The following WASHC4 variants were observed in gnomAD, a reference collection of about 807,000 sequenced individuals.
The protein encoded by WASHC4 is WASH complex subunit 4, also known as WASH complex subunit 7.
Under a neutral mutation model 166.6 loss-of-function variants are expected in WASHC4, and 86 were observed. The ratio of observed to expected loss-of-function variants is 0.52; its 90% CI spans 0.43 to 0.62. The LOEUF is 0.62. WASHC4 is among the 20% of genes least tolerant of loss of function. The pLI, the probability that WASHC4 is intolerant of heterozygous loss-of-function variation, is 0.00. For synonymous variants in WASHC4, 446 were observed against 451.6 expected (o/e 0.99, Z 0.16); for missense variants, 1,262 against 1,382.4 (o/e 0.91, Z 1.38).
rs760154797 is a variant in WASHC4, at chr12:105,144,350, T to C, written c.2074T>C (p.Leu692=). ...TCTGCGACTTTCTGTGCATACTCAT[T>C]TAAAGCTGGATGACCGAAACCCTTT... is the stretch of plus-strand genomic sequence containing the variant. ...KDLRLSVHTH[L]KLDDRNPFKV... is the part of the protein sequence containing the mutation. Residue 692 remains leucine, a synonymous_variant, in exon 21 of 33, where the codon TTA becomes CTA. Coordinates refer to ENST00000332180, the MANE Select transcript of WASHC4 (RefSeq NM_015275.3). 1.7e-5 allele frequency: 28 copies of C among 1,613,488 alleles called. No homozygotes were observed. Among genetic ancestry groups the C allele is most frequent in the Non-Finnish European group, 1.9e-5 (22 of 1,179,476 alleles).
intron 25 of WASHC4, among the ~76,000 whole-genome samples, chr12:105,151,867 A>AAATG (rs1206369216): frequency 6.6e-6 from 1 of 152,250 alleles, no homozygotes; most frequent in Non-Finnish European, 1.5e-5. Flanking sequence ...TATTATTACA[A>AAATG]AATGAATAAT....
intron 25 of WASHC4, among the ~76,000 whole-genome samples, chr12:105,150,381 T>G (rs1285281589): frequency 6.6e-6 from 1 of 152,200 alleles, no homozygotes; most frequent in Non-Finnish European, 1.5e-5. Context: ...AAAACTTCCT[T>G]AAGGAGAAAT....
chr12:105,137,429 T>C (rs1184772538), intron 14 of WASHC4, among the ~76,000 whole-genome samples: 2 of 152,198 alleles, frequency 1.3e-5, no homozygotes, highest in African/African-American at 4.8e-5. Flanking sequence ...CTATCTGTAT[T>C]GACTGAAGAA....
chr12:105,159,962 T>G, intron 28 of WASHC4, 39 bp from the exon 29 acceptor site: 2 of 1,600,952 alleles, frequency 1.2e-6, no homozygotes, highest in Non-Finnish European at 1.7e-6. Context: ...AAGCCACGCT[T>G]CTTTTGAGAA....
chr12:105,116,568 A>ACAG (rs1159981349), intron 6 of WASHC4, among the ~76,000 whole-genome samples: 42 of 152,212 alleles, frequency 2.8e-4, no homozygotes, highest in Non-Finnish European at 5.3e-4. Context: ...GATTACAGGT[A>ACAG]ATAAAATACC....
At chr12:105,125,791 C>T (rs1173247698) in intron 10 of WASHC4, among the ~76,000 whole-genome samples, 3 of 151,968 alleles carry the variant, frequency 2.0e-5, no homozygotes, top group African/African-American at 7.2e-5. Flanking sequence ...ATTACTTTCA[C>T]ATAACTAGTA....
rs1251324816 is a variant in WASHC4 at position 105,144,728 on chromosome 12, T to C, written c.2190T>C (p.Thr730=). Residue 730 remains threonine, a synonymous_variant, in exon 22 of 33, where the codon ACT becomes ACC. Transcript: ENST00000332180. ...TTTTTTTTTTGGTAGCTTACGTAAC[T>C]CACTACCTAGACAAGACTTTCTACA... ...NRFIDIRAYV[T]HYLDKTFYNL... 1.9e-6 allele frequency: 3 copies of C among 1,610,802 alleles called. No homozygotes were observed. The highest frequency in any genetic ancestry group is 2.5e-6 in the Non-Finnish European group (3 of 1,177,776).
chr12:105,144,973 A>G, intron 22 of WASHC4, 101 bp downstream of exon 22: 1 of 1,156,064 alleles, frequency 8.7e-7, no homozygotes, highest in Non-Finnish European at 1.3e-6. Context: ...GTATGTGCTT[A>G]TTTTTTAAGA....
chr12:105,146,891 G>A (rs1390233211), intron 23 of WASHC4, 151 bp from the exon 24 acceptor site: 10 of 670,304 alleles, frequency 1.5e-5, no homozygotes, highest in Admixed American at 6.6e-5. Flanking sequence ...TCAGATTTTC[G>A]GATTAAGGAT....
At position 105,140,387 on chromosome 12, in the gene WASHC4, A is replaced by T; in HGVS notation, c.1546A>T (p.Ile516Phe). The change falls in exon 16 of 33, where the codon ATT (isoleucine) becomes TTT (phenylalanine). Residue 516 changes from isoleucine (I) to phenylalanine (F), a missense_variant. Coordinates refer to ENST00000332180, the MANE Select transcript of WASHC4 (RefSeq NM_015275.3). ...CCTTCAACATCAGGCTCTTCATTCT[A>T]TTTCTGTGGCCAAGGTATGCAGCTT... ...QHLQHQALHS[I>F]SVAKKRVISD... 6 of 1,609,900 alleles carry T rather than the reference A, an allele frequency of 3.7e-6. No individual in the cohort carries two copies. Among genetic ancestry groups the T allele is most frequent in the Non-Finnish European group, 5.1e-6 (6 of 1,176,290 alleles).
chr12:105,164,116 G>T lies in WASHC4; in HGVS notation c.3163G>T (p.Ala1055Ser), dbSNP rs751236304. ...AGTTTTGCTTATGCCTGCAGGTGTGGCTTACATTCTAAAGCTTTTGGATCA... is the reference window on the plus strand; with the variant it reads ...AGTTTTGCTTATGCCTGCAGGTGTGTCTTACATTCTAAAGCTTTTGGATCA... Reference protein sequence around the residue: ...FTDDGFAMGVAYILKLLDQYR... With the variant: ...FTDDGFAMGVSYILKLLDQYR... The change falls in exon 31 of 33, where the codon GCT becomes TCT. Residue 1055 changes from alanine (A) to serine (S), a missense_variant. Physicochemically the swap from Ala to Ser is moderately conservative, Grantham distance 99 (BLOSUM62 1). Transcript: ENST00000332180. The T allele has an allele frequency of 6.2e-7, 1 of 1,614,070 alleles. No homozygotes were observed. Among genetic ancestry groups the T allele is most frequent in the East Asian group, 2.2e-5 (1 of 44,862 alleles).
intron 15 of WASHC4, among the ~76,000 whole-genome samples, chr12:105,139,425 G>GTGTGTGTGTGTGTGTGTGTGTGTATATA: frequency 1.5e-4 from 15 of 103,216 alleles, no homozygotes; most frequent in South Asian, 3.7e-4. Context: ...ATGTGTGTGT[G>GTGTGTGTGTGTGTGTGTGTGTGTATATA]TATATATATA....
intron 15 of WASHC4, 136 bp downstream of exon 15, chr12:105,138,147 A>G: frequency 1.3e-6 from 1 of 765,028 alleles, no homozygotes; most frequent in Non-Finnish European, 2.0e-6. Context: ...CTCTCAATTG[A>G]ATAAAGGAAC....
At position 105,167,011 on chromosome 12, in the gene WASHC4, A is replaced by T. The variant is rs1230912894; in HGVS notation, c.*80A>T. 1.1e-6 allele frequency: 1 copy of T among 926,198 alleles called. No individual in the cohort carries two copies. The highest frequency in any genetic ancestry group is 1.6e-5 in the African/African-American group (1 of 61,962). 57.4% of individuals were successfully genotyped at this position (926,198 alleles called of 1,614,324 possible). A position where few individuals can be genotyped will look rare whatever the true frequency, so the allele number is the denominator to read the frequency against. ...TGCCAGTGGAATGGATAAACTATTG[A>T]TGAATTGTTTCCTGGGTCACATCTC... is the stretch of plus-strand genomic sequence containing the variant. On this transcript the variant is annotated 3_prime_UTR_variant, in exon 33 of 33. Transcript: ENST00000332180.
rs190348595 is a variant in WASHC4, at chr12:105,140,936, G to A, written c.1598G>A (p.Arg533His). Reference sequence around the variant, plus strand: ...TCTGACAAAAAATACAGCGAACAGCGTCTTGATGTGCTCTCTGCTCTAGTT... The same window carrying A: ...TCTGACAAAAAATACAGCGAACAGCATCTTGATGTGCTCTCTGCTCTAGTT... ...VISDKKYSEQRLDVLSALVLA... is the reference protein window; with the variant it reads ...VISDKKYSEQHLDVLSALVLA... The change falls in exon 17 of 33, where the codon CGT (arginine) becomes CAT (histidine). Residue 533 changes from arginine to histidine, a missense_variant. By Grantham distance (29) the Arg-to-His change is conservative (BLOSUM62 0). Coordinates refer to ENST00000332180, the MANE Select transcript of WASHC4 (RefSeq NM_015275.3). The A allele has an allele frequency of 1.7e-5, 27 of 1,614,050 alleles. No homozygotes were observed. In the Middle Eastern group the frequency reaches 4.9e-4, roughly 30 times the overall value.
chr12:105,139,447 A>G (rs975813308), intron 15 of WASHC4, among the ~76,000 whole-genome samples: 8 of 141,922 alleles, frequency 5.6e-5, no homozygotes, highest in African/African-American at 2.1e-4. Context: ...ATATATATAT[A>G]TATATATATA....
Position 105,115,670 on chromosome 12 carries a change from C to T in WASHC4, c.377C>T (p.Ala126Val), listed in dbSNP as rs1880114615. The T allele has an allele frequency of 6.2e-7, 1 of 1,607,952 alleles. No individual in the cohort carries two copies. The highest frequency in any genetic ancestry group is 1.7e-5 in the Admixed American group (1 of 59,986). ...ATGTTGCCTTTTACAGCTACAGATG[C>T]CAGCATGGTGGAAGGTGATTGCCAA... The part of the protein sequence containing the change: ...LLFYGEGATD[A>V]SMVEGDCQIQ... The change falls in exon 6 of 33, where the codon GCC becomes GTC. Residue 126 changes from alanine (A) to valine (V), a missense_variant. Physicochemically the swap from Ala to Val is moderately conservative, Grantham distance 64. Coordinates refer to ENST00000332180, the MANE Select transcript of WASHC4 (RefSeq NM_015275.3).
intron 9 of WASHC4, among the ~76,000 whole-genome samples, chr12:105,121,590 T>C (rs1196834): frequency 0.88 from 133,760 of 152,258 alleles, 59,043 homozygotes; most frequent in East Asian, 1. Flanking sequence ...TCACTGCAAC[T>C]TCTGCCTCCT....
chr12:105,147,043 T>G lies in WASHC4; in HGVS notation c.2411T>G (p.Ile804Ser). Residue 804 changes from isoleucine (I) to serine (S), a missense_variant and splice_region_variant, in exon 24 of 33, where the codon ATT becomes AGT. By Grantham distance (142) the Ile-to-Ser change is moderately radical. Transcript: ENST00000332180. The stretch of plus-strand genomic sequence containing the variant: ...GAGCATAAATTTGTTTCATTGCAGA[T>G]TTTTATTGAACGAACAAGCAATAAC... ...SRYLYNLNNQ[I>S]FIERTSNNKH... 1 of 1,589,108 alleles carries G rather than the reference T, an allele frequency of 6.3e-7. No homozygotes were observed. Among genetic ancestry groups the G allele is most frequent in the Non-Finnish European group, 8.6e-7 (1 of 1,157,234 alleles).
Sources: gnomAD v4.1 joint callset for allele counts (sites outside exome capture counted in the v4.1 genomes callset) on GRCh38, gnomAD v4.1.1 for gene constraint, MANE v1.5 for transcripts, NCBI Gene and HGNC (gene_info 2026-07-23, HGNC 2026-07-21) for gene names.